Variants in AMMECR1 observed in about 807,000 individuals in gnomAD.
AMMECR1 encodes nuclear protein AMMECR1.
AMMECR1 carries 3 observed loss-of-function variants against 22.5 expected under a neutral mutation model. That is an observed-to-expected ratio of 0.13 (90% CI 0.06 to 0.35). The LOEUF (loss-of-function observed/expected upper bound fraction) is 0.35, where lower values mean the gene tolerates loss of function less well. Among genes scored for constraint, AMMECR1 ranks in the 10% least tolerant of loss-of-function variants. The probability of loss-of-function intolerance (pLI) is 1.00; values close to 1 mark genes in which losing one functional copy is unlikely to be tolerated. For synonymous variants in AMMECR1, 130 were observed against 116.7 expected (o/e 1.11, Z -0.74); for missense variants, 235 against 278.7 (o/e 0.84, Z 1.12).
At chrX:110,242,982 T>C (rs759893277) in intron 2 of AMMECR1, among the ~76,000 whole-genome samples, 55 of 112,352 alleles carry the variant, frequency 4.9e-4, no homozygotes, top group African/African-American at 1.6e-3. Context: ...TAATAATGTG[T>C]ACAATAGCAA....
chrX:110,238,442 C>A (rs375543408), intron 2 of AMMECR1, among the ~76,000 whole-genome samples: 93 of 112,398 alleles, frequency 8.3e-4, no homozygotes, highest in African/African-American at 2.9e-3. Context: ...GAAGTTCGAA[C>A]TGGGTGGAGG....
At chrX:110,200,789 G>T (rs777512084) in intron 5 of AMMECR1, among the ~76,000 whole-genome samples, 165 bp downstream of exon 5, 13 of 112,082 alleles carry the variant, frequency 1.2e-4, no homozygotes, top group Admixed American at 5.7e-4. Context: ...GCTTTACTAC[G>T]AAGCAGAGTT....
chrX:110,216,392 T>C (rs2067473594), intron 3 of AMMECR1, 126 bp downstream of exon 3: 1 of 435,409 alleles, frequency 2.3e-6, no homozygotes, highest in Admixed American at 4.2e-5. Flanking sequence ...GGTTTATTCA[T>C]CCATATTACT....
At chrX:110,396,765 C>T (rs2068531759) in intron 2 of AMMECR1, among the ~76,000 whole-genome samples, 1 of 112,338 alleles carries the variant, frequency 8.9e-6, no homozygotes, top group African/African-American at 3.2e-5. Context: ...TGGGTCTATA[C>T]AGCCCCAAAT....
In AMMECR1 at chrX:110,275,755, A is replaced by T. The variant is rs958201845; in HGVS notation, c.474-11156T>A. On this transcript the variant is annotated intron_variant, in intron 1 of 5. Transcript: ENST00000262844. ...TGAGGCAGGAGAATCGCTTGAACCCAGGGTGCGGAGGTTGTGGTGAGCTGA... is the reference window on the plus strand; with the variant it reads ...TGAGGCAGGAGAATCGCTTGAACCCTGGGTGCGGAGGTTGTGGTGAGCTGA... Among the ~76,000 whole-genome samples, 3 of 111,163 alleles carry T rather than the reference A, an allele frequency of 2.7e-5. No individual in the cohort carries two copies. The Admixed American group carries it at 2.9e-4, about 11-fold the overall frequency.
At chrX:110,270,249 C>T (rs149485569) in intron 1 of AMMECR1, among the ~76,000 whole-genome samples, 209 of 111,591 alleles carry the variant, frequency 1.9e-3, no homozygotes, top group African/African-American at 6.5e-3. Context: ...CAATTCAGTC[C>T]ATTACAAATC....
intron 2 of AMMECR1, among the ~76,000 whole-genome samples, chrX:110,354,850 C>A: frequency 8.9e-6 from 1 of 112,009 alleles, no homozygotes; most frequent in African/African-American, 3.2e-5. Flanking sequence ...AATAAATAAA[C>A]TTGAACATAC....
intron 1 of AMMECR1, among the ~76,000 whole-genome samples, chrX:110,290,669 A>T (rs1486176959): frequency 9.0e-6 from 1 of 111,410 alleles, no homozygotes; most frequent in Non-Finnish European, 1.9e-5. Flanking sequence ...TTAAAAATGG[A>T]CAATTTCCCT....
chrX:110,218,967 T>A (rs769369848), intron 2 of AMMECR1, among the ~76,000 whole-genome samples: 2 of 112,025 alleles, frequency 1.8e-5, no homozygotes, highest in Non-Finnish European at 3.8e-5. Flanking sequence ...GTAGCATGTA[T>A]CAGTACTTCA....
At chrX:110,383,933 G>A (rs886844090) in intron 2 of AMMECR1, among the ~76,000 whole-genome samples, 1 of 111,694 alleles carries the variant, frequency 9.0e-6, no homozygotes, top group East Asian at 2.8e-4. Flanking sequence ...CAATTACTTC[G>A]CCTTTCTTTG....
intron 2 of AMMECR1, among the ~76,000 whole-genome samples, chrX:110,347,876 C>T (rs2068196772): frequency 8.9e-6 from 1 of 112,430 alleles, no homozygotes; most frequent in Non-Finnish European, 1.9e-5. Context: ...CTTATAATCA[C>T]ATGGCTTCAG....
intron 2 of AMMECR1, among the ~76,000 whole-genome samples, chrX:110,232,889 C>CAAAAAAA (rs775605567): frequency 4.2e-4 from 5 of 11,918 alleles, no homozygotes; most frequent in African/African-American, 1.3e-3. Context: ...GACTCAGTCT[C>CAAAAAAA]AAAAAAAAAA....
chrX:110,376,328 C>T (rs2068376282), intron 2 of AMMECR1, among the ~76,000 whole-genome samples: 1 of 110,687 alleles, frequency 9.0e-6, no homozygotes, highest in East Asian at 2.9e-4. Context: ...GGAAGCTGGT[C>T]TTGGCTGGTA....
At chrX:110,302,425 C>CAGTAAAGAACTTTGCTAGTG (rs2067972093) in intron 1 of AMMECR1, among the ~76,000 whole-genome samples, 1 of 111,448 alleles carries the variant, frequency 9.0e-6, no homozygotes, top group African/African-American at 3.3e-5. Flanking sequence ...CCAGCAGGAC[C>CAGTAAAGAACTTTGCTAGTG]AGTAAAGAAC....
chrX:110,365,778 C>A (rs1227797393), intron 2 of AMMECR1, among the ~76,000 whole-genome samples: 1 of 111,817 alleles, frequency 8.9e-6, no homozygotes, highest in Non-Finnish European at 1.9e-5. Flanking sequence ...ATAATATATA[C>A]CTTCTCACAA....
At chrX:110,347,748 A>C (rs776100307) in intron 2 of AMMECR1, among the ~76,000 whole-genome samples, 1 of 112,366 alleles carries the variant, frequency 8.9e-6, no homozygotes, top group East Asian at 2.8e-4. Context: ...ATTCTGTGGG[A>C]GTTAGGGCCC....
At chrX:110,261,794 A>G (rs994365967) in intron 2 of AMMECR1, among the ~76,000 whole-genome samples, 2 of 111,669 alleles carry the variant, frequency 1.8e-5, no homozygotes, top group Admixed American at 9.5e-5. Context: ...TATTTTCATG[A>G]CAAAGCTGCA....
At chrX:110,387,850 C>G (rs1340431613) in intron 2 of AMMECR1, among the ~76,000 whole-genome samples, 1 of 104,560 alleles carries the variant, frequency 9.6e-6, no homozygotes, top group Non-Finnish European at 1.9e-5. Context: ...TCGTTATCTC[C>G]CTCTCTCTTT....
In AMMECR1 at chrX:110,317,777, T is replaced by C; in HGVS notation, c.295A>G (p.Thr99Ala). 8.6e-7 allele frequency: 1 copy of C among 1,169,239 alleles called. No homozygotes were observed. Among genetic ancestry groups the C allele is most frequent in the Middle Eastern group, 2.5e-4 (1 of 4,023 alleles). Residue 99 changes from threonine (T) to alanine (A), a missense_variant, in exon 1 of 6, where the codon ACC (threonine) becomes GCC (alanine). By Grantham distance (58) the Thr-to-Ala change is moderately conservative. Around this residue, in one of 2 missense-constraint regions of AMMECR1, gnomAD observed 124 missense variants for 97.0 expected, o/e 1.28. Coordinates refer to ENST00000262844, the MANE Select transcript of AMMECR1 (RefSeq NM_015365.3). ...PSCGVGTLLSTPAAATSSSPS... is the reference protein window; with the variant it reads ...PSCGVGTLLSAPAAATSSSPS... ...GAGGAAGAGGTGGCGGCGGCCGGGG[T>C]AGAAAGTAGGGTCCCCACTCCGCAG...
Sources: allele counts gnomAD v4.1 joint callset (sites outside exome capture counted in the v4.1 genomes callset), GRCh38; gene constraint gnomAD v4.1.1; regional missense constraint gnomAD v4.1.1; transcripts MANE v1.5; gene names NCBI Gene and HGNC (gene_info 2026-07-23, HGNC 2026-07-21).